Variants in BICRAL observed in about 807,000 individuals in gnomAD.
The protein encoded by BICRAL is BRD4-interacting chromatin-remodeling complex-associated protein-like.
Under a neutral mutation model 91.8 loss-of-function variants are expected in BICRAL, and 8 were observed. That is an observed-to-expected ratio of 0.09 (90% confidence interval 0.05 to 0.16). The LOEUF (loss-of-function observed/expected upper bound fraction) is 0.16. Among genes scored for constraint, BICRAL ranks in the 10% least tolerant of loss-of-function variants. The pLI is 1.00. For synonymous variants in BICRAL, 445 were observed against 491.1 expected (o/e 0.91, Z 1.24); for missense variants, 1,038 against 1,310.9 (o/e 0.79, Z 3.21).
intron 7 of BICRAL, chr6:42,852,447 A>G (rs923555534): frequency 3.3e-6 from 2 of 600,748 alleles, no homozygotes; most frequent in African/African-American, 1.8e-5. Flanking sequence ...GGATCACCTG[A>G]GATCAGGAGT....
intron 1 of BICRAL, among the ~76,000 whole-genome samples, chr6:42,798,801 G>T (rs533291272): frequency 6.6e-6 from 1 of 152,248 alleles, no homozygotes; most frequent in Admixed American, 6.5e-5. Flanking sequence ...TTTTATTACT[G>T]CTCCTTGCGG....
rs890453661 is a variant in BICRAL, at chr6:42,824,206, G to A, written c.159+1203G>A. Among the ~76,000 whole-genome samples the A allele has an allele frequency of 2.6e-5, 4 of 151,144 alleles. No individual in the cohort carries two copies. In the East Asian group the frequency reaches 7.7e-4, roughly 29 times the overall value. On this transcript the variant is annotated intron_variant, in intron 5 of 12. Transcript: ENST00000314073. Reference sequence around the variant, plus strand: ...AGATCGCACCATTACACTCCAGCCTGGCCACATAGGGAGACTCTGTCTCAA... The same window carrying A: ...AGATCGCACCATTACACTCCAGCCTAGCCACATAGGGAGACTCTGTCTCAA...
chr6:42,816,630 T>C (rs764680885), intron 2 of BICRAL, among the ~76,000 whole-genome samples: 7 of 152,102 alleles, frequency 4.6e-5, no homozygotes, highest in Non-Finnish European at 7.4e-5. Flanking sequence ...TTTGTGTCCT[T>C]CTTCTCCTTG....
At chr6:42,827,447 A>C (rs781515827) in intron 5 of BICRAL, among the ~76,000 whole-genome samples, 1 of 152,228 alleles carries the variant, frequency 6.6e-6, no homozygotes, top group African/African-American at 2.4e-5. Context: ...TACTTGGCCT[A>C]TCCCTCAACA....
chr6:42,788,718 A>G (rs1763177619), intron 1 of BICRAL, among the ~76,000 whole-genome samples: 1 of 152,206 alleles, frequency 6.6e-6, no homozygotes, highest in Non-Finnish European at 1.5e-5. Flanking sequence ...ACTTAAACAA[A>G]GAAGGGGTAG....
intron 11 of BICRAL, among the ~76,000 whole-genome samples, chr6:42,861,501 C>T (rs975473337): frequency 6.6e-6 from 1 of 151,992 alleles, no homozygotes; most frequent in Non-Finnish European, 1.5e-5. Context: ...ATAGAAAGAC[C>T]GAACCTGAGA....
intron 1 of BICRAL, among the ~76,000 whole-genome samples, chr6:42,759,118 G>A (rs1414833032): frequency 2.0e-5 from 3 of 152,228 alleles, no homozygotes; most frequent in Non-Finnish European, 4.4e-5. Flanking sequence ...TCCCCAGGTG[G>A]TTCTCATGGG....
chr6:42,832,633 AAAGTT>A (rs1413119151), intron 6 of BICRAL, among the ~76,000 whole-genome samples: 2 of 150,610 alleles, frequency 1.3e-5, no homozygotes, highest in African/African-American at 4.9e-5. Flanking sequence ...GACTTACAGA[AAAGTT>A]AAAGTTACAA....
At position 42,830,188 on chromosome 6, in the gene BICRAL, A is replaced by G. The variant is rs761866906; in HGVS notation, c.1839+16A>G. The stretch of plus-strand genomic sequence containing the variant: ...CTTCTGCCAGGTAATGCCCTTTCCC[A>G]AATAAATATTTGGCTGATTATAGAA... On this transcript the variant is annotated intron_variant, in intron 6 of 12. Transcript: ENST00000314073. 4 of 1,611,094 alleles carry G rather than the reference A, an allele frequency of 2.5e-6. No individual in the cohort carries two copies. Among genetic ancestry groups the G allele is most frequent in the South Asian group, 2.2e-5 (2 of 90,708 alleles).
chr6:42,828,634 C>G lies in BICRAL; in HGVS notation c.301C>G (p.Gln101Glu). 6.2e-7 allele frequency: 1 copy of G among 1,614,042 alleles called. No homozygotes were observed. Among genetic ancestry groups the G allele is most frequent in the Non-Finnish European group, 8.5e-7 (1 of 1,179,986 alleles). Reference sequence around the variant, plus strand: ...TCCTCTTCCTGATCTCACTGAGGACCAACCTTTCGACATTCTTCAGAAATC... The same window carrying G: ...TCCTCTTCCTGATCTCACTGAGGACGAACCTTTCGACATTCTTCAGAAATC... ...SSPLPDLTED[Q>E]PFDILQKSLQ... The change falls in exon 6 of 13, where the codon CAA becomes GAA. Residue 101 changes from glutamine to glutamate, a missense_variant. By Grantham distance (29) the Gln-to-Glu change is conservative (BLOSUM62 2). This residue lies in a region of BICRAL where 115 missense variants were observed against 121.5 expected (regional missense o/e 0.95). Coordinates refer to ENST00000314073, the MANE Select transcript of BICRAL (RefSeq NM_001393499.1).
At chr6:42,822,709 T>G in intron 3 of BICRAL, 87 bp from the exon 4 acceptor site, 1 of 690,990 alleles carries the variant, frequency 1.4e-6, no homozygotes, top group Non-Finnish European at 2.5e-6. Flanking sequence ...AATAAATCAT[T>G]TTCTTTCTAC....
At chr6:42,753,478 A>G (rs1762412014) in intron 1 of BICRAL, among the ~76,000 whole-genome samples, 1 of 152,216 alleles carries the variant, frequency 6.6e-6, no homozygotes, top group African/African-American at 2.4e-5. Context: ...AAGCATGAGT[A>G]GGAATTAACA....
intron 2 of BICRAL, among the ~76,000 whole-genome samples, chr6:42,821,479 G>A (rs551074679): frequency 6.6e-6 from 1 of 152,310 alleles, no homozygotes; most frequent in African/African-American, 2.4e-5. Flanking sequence ...GCCAGAGCCT[G>A]CAGAGACTGC....
At chr6:42,837,701 G>A (rs932794670) in intron 6 of BICRAL, among the ~76,000 whole-genome samples, 1 of 151,296 alleles carries the variant, frequency 6.6e-6, no homozygotes, top group African/African-American at 2.4e-5. Context: ...GCAGTGAGCT[G>A]AGATTGCGCC....
chr6:42,792,265 C>T (rs943687150), intron 1 of BICRAL, among the ~76,000 whole-genome samples: 9 of 151,914 alleles, frequency 5.9e-5, no homozygotes, highest in African/African-American at 1.7e-4. Context: ...AACTTTTTTT[C>T]TTATGAACAT....
rs370280741 is a variant in BICRAL, at chr6:42,802,421, GT to G, written c.-101-7876del. 4.2e-4 allele frequency among the ~76,000 whole-genome samples: 63 copies of G among 149,682 alleles called. 1 individual carries two copies. The highest frequency in any genetic ancestry group is 1.5e-3 in the African/African-American group (61 of 40,200). On this transcript the variant is annotated intron_variant, in intron 1 of 12. Transcript: ENST00000314073. ...ACTTTTGGCTCTTTCAGCTTTTCGTGTTTTTTTTTGTTGTTGTTGTTGTTGT... is the reference window on the plus strand; with the variant it reads ...ACTTTTGGCTCTTTCAGCTTTTCGTGTTTTTTTTGTTGTTGTTGTTGTTGT...
intron 1 of BICRAL, among the ~76,000 whole-genome samples, chr6:42,748,465 T>C (rs1762326493): frequency 6.6e-6 from 1 of 152,204 alleles, no homozygotes; most frequent in Non-Finnish European, 1.5e-5. Context: ...CCAAGTGGAA[T>C]TGAATGTTAT....
intron 6 of BICRAL, among the ~76,000 whole-genome samples, chr6:42,836,303 A>G (rs1293694841): frequency 1.3e-5 from 2 of 151,938 alleles, no homozygotes; most frequent in Non-Finnish European, 2.9e-5. Context: ...GGGAGGGGGG[A>G]GAAAAATACC....
chr6:42,852,077 T>C lies in BICRAL; in HGVS notation c.1840-15T>C. On this transcript the variant is annotated splice_polypyrimidine_tract_variant and intron_variant, in intron 6 of 12. Transcript: ENST00000314073. ...GAAATGAAATTAATGTTTTCATCTT[T>C]GTCATGTTTCACAGGCTCAGAAAAA... 1 of 1,460,546 alleles carries C rather than the reference T, an allele frequency of 6.8e-7. No individual in the cohort carries two copies. The highest frequency in any genetic ancestry group is 1.1e-5 in the South Asian group (1 of 87,314). The allele number at this position is 1,460,546 out of a possible 1,614,324, so 90.5% of individuals were successfully genotyped here. A position where few individuals can be genotyped will look rare whatever the true frequency, so the allele number is the denominator to read the frequency against.
Sources: gnomAD v4.1 joint callset for allele counts (sites outside exome capture counted in the v4.1 genomes callset) on GRCh38, gnomAD v4.1.1 for gene constraint, gnomAD v4.1.1 regional missense constraint, MANE v1.5 for transcripts, NCBI Gene and HGNC (gene_info 2026-07-23, HGNC 2026-07-21) for gene names.